The following STIM1 variants were observed in gnomAD, a reference collection of about 807,000 sequenced individuals.
The protein encoded by STIM1 is stromal interaction molecule 1.
In STIM1, 25 loss-of-function variants were observed where a neutral mutation model predicts 74.7. The observed-to-expected ratio is 0.33, with a 90% CI of 0.24 to 0.47. STIM1 has a LOEUF of 0.47. Ranked by LOEUF, STIM1 falls within the 20% of genes least tolerant of loss-of-function variation. STIM1 has a pLI of 1.00. For synonymous variants in STIM1, 328 were observed against 348.8 expected, an observed-to-expected ratio of 0.94 and a Z score of 0.66; for missense variants, 728 against 920.8, an observed-to-expected ratio of 0.79 and a Z score of 2.71.
intron 2 of STIM1, among the ~76,000 whole-genome samples, chr11:3,985,742 G>A (rs1271648688): frequency 6.6e-6 from 1 of 152,214 alleles, no homozygotes; most frequent in African/African-American, 2.4e-5. Flanking sequence ...CCTGTCTAAG[G>A]AGGAATTGGC....
chr11:3,956,965 G>T (rs1455058563), intron 1 of STIM1, among the ~76,000 whole-genome samples: 3 of 151,994 alleles, frequency 2.0e-5, no homozygotes, highest in African/African-American at 7.3e-5. Context: ...GAGTCCCTTG[G>T]GATACTGCAG....
chr11:4,036,788 T>C (rs1298546507), intron 3 of STIM1, among the ~76,000 whole-genome samples: 1 of 152,220 alleles, frequency 6.6e-6, no homozygotes, highest in African/African-American at 2.4e-5. Context: ...GCAAACATTT[T>C]CTCCCATTCT....
intron 2 of STIM1, among the ~76,000 whole-genome samples, chr11:3,977,616 C>A (rs2093460951): frequency 1.3e-5 from 2 of 152,188 alleles, no homozygotes; most frequent in African/African-American, 4.8e-5. Context: ...ATGCCTGGCA[C>A]ATAGAAGAGG....
intron 2 of STIM1, among the ~76,000 whole-genome samples, chr11:3,996,194 C>A (rs2093661975): frequency 6.6e-6 from 1 of 152,172 alleles, no homozygotes; most frequent in African/African-American, 2.4e-5. Context: ...CTTTGAGTCA[C>A]GGTTCTGGAG....
chr11:4,016,812 G>A (rs953555827), intron 2 of STIM1, among the ~76,000 whole-genome samples: 9 of 152,212 alleles, frequency 5.9e-5, no homozygotes, highest in Non-Finnish European at 1.2e-4. Flanking sequence ...CCAGTGTCCC[G>A]GGTCGATCTC....
At position 4,083,485 on chromosome 11, in the gene STIM1, C is replaced by T. The variant is rs751169800; in HGVS notation, c.1461C>T (p.Pro487=). The change falls in exon 10 of 13, where the codon CCC becomes CCT. Residue 487 remains proline, a synonymous_variant. Transcript: ENST00000526596. The part of the protein sequence containing the change: ...VDDMDEEIVS[P]LSMQYAAWLM... ...ACATGGATGAGGAGATTGTGTCTCC[C>T]TTGTCCATGCAGTGTAGGTGACCTC... 1.8e-5 allele frequency: 29 copies of T among 1,613,616 alleles called. No individual in the cohort carries two copies. The highest frequency in any genetic ancestry group is 4.4e-5 in the South Asian group (4 of 90,982).
intron 1 of STIM1, among the ~76,000 whole-genome samples, chr11:3,877,502 C>T (rs550654891): frequency 3.3e-5 from 5 of 152,116 alleles, no homozygotes; most frequent in African/African-American, 4.8e-5. Context: ...ATCCCCTATC[C>T]CCACCCTGCC....
intron 3 of STIM1, among the ~76,000 whole-genome samples, chr11:4,027,411 A>C (rs2136033859): frequency 6.6e-6 from 1 of 152,112 alleles, no homozygotes. Flanking sequence ...TCCCAGGTTC[A>C]AGCGATTCTC....
At chr11:3,879,476 A>G (rs1565099106) in intron 1 of STIM1, among the ~76,000 whole-genome samples, 1 of 152,102 alleles carries the variant, frequency 6.6e-6, no homozygotes, top group Non-Finnish European at 1.5e-5. Context: ...TCCCCAGCCA[A>G]CTGATGGTAG....
At chr11:4,061,808 G>A (rs1565164183) in intron 5 of STIM1, among the ~76,000 whole-genome samples, 1 of 152,164 alleles carries the variant, frequency 6.6e-6, no homozygotes. Flanking sequence ...ACCTATAAAT[G>A]GAATGAAGTT....
intron 2 of STIM1, among the ~76,000 whole-genome samples, chr11:3,997,997 C>A (rs541571742): frequency 6.6e-6 from 1 of 152,282 alleles, no homozygotes; most frequent in African/African-American, 2.4e-5. Context: ...TTTCTACCTC[C>A]TCTATAGGTC....
intron 1 of STIM1, among the ~76,000 whole-genome samples, chr11:3,874,799 G>C (rs1258000405): frequency 6.6e-6 from 1 of 152,200 alleles, no homozygotes; most frequent in African/African-American, 2.4e-5. Flanking sequence ...ACAGAATGAA[G>C]TTATAGTGCT....
intron 3 of STIM1, among the ~76,000 whole-genome samples, chr11:4,026,561 T>G (rs1213266616): frequency 6.6e-6 from 1 of 152,174 alleles, no homozygotes; most frequent in Non-Finnish European, 1.5e-5. Context: ...CAGCCATAAT[T>G]TCAAGCTGTT....
chr11:4,050,291 T>C (rs940558460), intron 3 of STIM1, among the ~76,000 whole-genome samples: 1 of 151,984 alleles, frequency 6.6e-6, no homozygotes, highest in East Asian at 1.9e-4. Context: ...AAGGGAGGAG[T>C]GGTTCTGTTC....
intron 1 of STIM1, among the ~76,000 whole-genome samples, chr11:3,895,797 TTCCTTC>T (rs1419457288): frequency 0.017 from 1,656 of 97,696 alleles, 269 homozygotes; most frequent in East Asian, 0.044. Flanking sequence ...CCTTCCTTCC[TTCCTTC>T]CTTTCTTTCC....
At chr11:3,936,034 T>G (rs1303963721) in intron 1 of STIM1, among the ~76,000 whole-genome samples, 1 of 152,260 alleles carries the variant, frequency 6.6e-6, no homozygotes, top group Non-Finnish European at 1.5e-5. Context: ...ACATATAATA[T>G]ACTCATTTTA....
intron 2 of STIM1, among the ~76,000 whole-genome samples, chr11:4,020,613 A>G (rs2093946550): frequency 6.6e-6 from 1 of 151,624 alleles, no homozygotes. Flanking sequence ...CTCTGAGACA[A>G]GGTCTCGCTC....
chr11:3,897,322 G>A (rs2092208903), intron 1 of STIM1, among the ~76,000 whole-genome samples: 1 of 152,096 alleles, frequency 6.6e-6, no homozygotes, highest in Non-Finnish European at 1.5e-5. Context: ...CTGAAAGCTG[G>A]CCTCTTGGAA....
At chr11:3,960,336 T>C (rs558289907) in intron 1 of STIM1, among the ~76,000 whole-genome samples, 3 of 152,240 alleles carry the variant, frequency 2.0e-5, no homozygotes, top group Non-Finnish European at 4.4e-5. Flanking sequence ...AAACTGGATT[T>C]TAGAAAACTT....
Sources: gnomAD v4.1 joint callset for allele counts (sites outside exome capture counted in the v4.1 genomes callset) on GRCh38, gnomAD v4.1.1 for gene constraint, MANE v1.5 for transcripts, NCBI Gene and HGNC (gene_info 2026-07-23, HGNC 2026-07-21) for gene names.